The following ZNHIT6 variants were observed in gnomAD, a reference collection of about 807,000 sequenced individuals.
ZNHIT6 encodes zinc finger HIT-type containing 6.
ZNHIT6 carries 45 observed loss-of-function variants against 57.2 expected under a neutral mutation model. The ratio of observed to expected loss-of-function variants is 0.79; its 90% CI spans 0.62 to 1.01. ZNHIT6 has a LOEUF of 1.01. Among genes scored for constraint, ZNHIT6 ranks in the 50% least tolerant of loss-of-function variants. ZNHIT6 has a pLI of 0.00. For missense variants in ZNHIT6, 528 were observed against 567.3 expected (o/e 0.93, Z 0.70); for synonymous variants, 188 against 190.0 (o/e 0.99, Z 0.09).
Position 85,650,846 on chromosome 1 carries a change from T to G in ZNHIT6, c.*3212A>C, listed in dbSNP as rs1380599085. On this transcript the variant is annotated 3_prime_UTR_variant, in exon 10 of 10. Coordinates refer to ENST00000370574, the MANE Select transcript of ZNHIT6 (RefSeq NM_017953.4). Reference sequence around the variant, plus strand: ...AAGAATGAGAACTCACTCACCCCAGTAGGAGGGCATTAGTTTATTCATGTG... The same window carrying G: ...AAGAATGAGAACTCACTCACCCCAGGAGGAGGGCATTAGTTTATTCATGTG... The G allele has an allele frequency of 1.3e-5, 2 of 152,184 alleles. No individual in the cohort carries two copies. The highest frequency in any genetic ancestry group is 3.8e-4 in the East Asian group (2 of 5,198). 9.4% of individuals were successfully genotyped at this position (152,184 alleles called of 1,614,324 possible). A position where few individuals can be genotyped will look rare whatever the true frequency, so the allele number is the denominator to read the frequency against.
At chr1:85,679,459 A>C (rs943785292) in intron 6 of ZNHIT6, among the ~76,000 whole-genome samples, 4 of 152,054 alleles carry the variant, frequency 2.6e-5, no homozygotes, top group African/African-American at 9.7e-5. Context: ...CTACAAAGAG[A>C]GGATATTTAT....
rs757615456 is a variant in ZNHIT6, at chr1:85,657,859, C to T, written c.1360G>A (p.Val454Ile). 1 of 1,606,840 alleles carries T rather than the reference C, an allele frequency of 6.2e-7. No individual in the cohort carries two copies. Among genetic ancestry groups the T allele is most frequent in the East Asian group, 2.2e-5 (1 of 44,570 alleles). ...VLKGSNNDMK[V>I]LHQVKSESTK... ...AATTTACACTTACCTTGGTGAAGAA[C>T]TTTCATGTCATTATTGGATCCTTTC... The change falls in exon 9 of 10, where the codon GTT (valine) becomes ATT (isoleucine). Residue 454 changes from valine (V) to isoleucine (I), a missense_variant. Transcript: ENST00000370574.
At chr1:85,667,961 A>AAAAAAAAAAAATGTATATATATAT in intron 8 of ZNHIT6, among the ~76,000 whole-genome samples, 4 of 18,202 alleles carry the variant, frequency 2.2e-4, no homozygotes, top group Non-Finnish European at 4.0e-4. Flanking sequence ...AAAAAAAAAA[A>AAAAAAAAAAAATGTATATATATAT]ATATATATAT....
At chr1:85,668,308 G>A (rs539675338) in intron 8 of ZNHIT6, among the ~76,000 whole-genome samples, 21 of 152,016 alleles carry the variant, frequency 1.4e-4, no homozygotes, top group Non-Finnish European at 2.2e-4. Context: ...AGGCATGGTT[G>A]TTCACTATTG....
At chr1:85,702,295 T>C (rs1439837841) in intron 4 of ZNHIT6, 35 bp from the exon 5 acceptor site, 2 of 1,239,308 alleles carry the variant, frequency 1.6e-6, no homozygotes, top group Non-Finnish European at 2.3e-6. Flanking sequence ...AATTAATTTT[T>C]AAATTCCTTA....
At chr1:85,699,545 A>C (rs925596224) in intron 5 of ZNHIT6, among the ~76,000 whole-genome samples, 2 of 152,154 alleles carry the variant, frequency 1.3e-5, no homozygotes, top group Non-Finnish European at 2.9e-5. Flanking sequence ...AAAGCTGCCC[A>C]CAAAAAAATT....
intron 8 of ZNHIT6, among the ~76,000 whole-genome samples, chr1:85,658,826 G>A (rs750975602): frequency 1.3e-4 from 19 of 151,910 alleles, no homozygotes; most frequent in Admixed American, 3.9e-4. Context: ...AGCCAAGATC[G>A]TGCCACTGCA....
At chr1:85,697,034 GTATT>G (rs1483266254) in intron 5 of ZNHIT6, among the ~76,000 whole-genome samples, 1 of 60,992 alleles carries the variant, frequency 1.6e-5, no homozygotes, top group Non-Finnish European at 5.0e-5. Context: ...CTAATTTTTC[GTATT>G]TTTTTTTTTT....
intron 5 of ZNHIT6, among the ~76,000 whole-genome samples, chr1:85,681,561 A>G (rs1484177355): frequency 6.6e-6 from 1 of 152,250 alleles, no homozygotes; most frequent in Non-Finnish European, 1.5e-5. Flanking sequence ...AAATGTCTTC[A>G]CTACATGATG....
At chr1:85,693,861 G>A (rs970471386) in intron 5 of ZNHIT6, among the ~76,000 whole-genome samples, 1 of 152,220 alleles carries the variant, frequency 6.6e-6, no homozygotes, top group African/African-American at 2.4e-5. Context: ...GCTGATGCCT[G>A]TAATCCCAGT....
intron 8 of ZNHIT6, 133 bp downstream of exon 8, chr1:85,677,103 G>T: frequency 1.7e-6 from 1 of 595,494 alleles, no homozygotes; most frequent in South Asian, 3.9e-5. Flanking sequence ...TTTTGAATTT[G>T]ACTTGAAAGT....
chr1:85,660,070 A>G (rs10493773), intron 8 of ZNHIT6, among the ~76,000 whole-genome samples: 35,457 of 152,132 alleles, frequency 0.23, 4,720 homozygotes, highest in Admixed American at 0.29. Context: ...AATGCTTCAC[A>G]TCTTTTAAAC....
In ZNHIT6 at chr1:85,674,941, A is replaced by AT. The variant is rs548922648; in HGVS notation, c.1247+2294dup. Among the ~76,000 whole-genome samples, 434 of 152,314 alleles carry AT rather than the reference A, an allele frequency of 2.8e-3. 2 individuals are homozygous for AT. The highest frequency in any genetic ancestry group is 9.8e-3 in the African/African-American group (407 of 41,564). ...TACTGAGTATTTTAAAATTTATAGT[A>AT]TAGGACACACTGCTTGGGCCCAGAG... On this transcript the variant is annotated intron_variant, in intron 8 of 9. Transcript: ENST00000370574.
chr1:85,682,911 G>A (rs1167242432), intron 5 of ZNHIT6, among the ~76,000 whole-genome samples: 1 of 152,018 alleles, frequency 6.6e-6, no homozygotes. Context: ...AAGTTGAAGG[G>A]TGTTGTATAA....
At chr1:85,655,750 T>G (rs1454143122) in intron 9 of ZNHIT6, among the ~76,000 whole-genome samples, 4 of 152,204 alleles carry the variant, frequency 2.6e-5, no homozygotes, top group Non-Finnish European at 5.9e-5. Flanking sequence ...TAATCAGCAC[T>G]TAGCATCTCC....
chr1:85,706,907 A>G (rs1662700034), intron 1 of ZNHIT6, among the ~76,000 whole-genome samples: 1 of 152,240 alleles, frequency 6.6e-6, no homozygotes, highest in South Asian at 2.1e-4. Context: ...GACAAAGAAT[A>G]TAAGGCCAAG....
chr1:85,685,907 G>A (rs181309095), intron 5 of ZNHIT6, among the ~76,000 whole-genome samples: 143 of 151,576 alleles, frequency 9.4e-4, no homozygotes, highest in African/African-American at 3.2e-3. Context: ...ATTCATGGGC[G>A]CATACAGGAT....
intron 5 of ZNHIT6, among the ~76,000 whole-genome samples, chr1:85,695,786 C>G (rs996462968): frequency 6.6e-6 from 1 of 152,178 alleles, no homozygotes; most frequent in African/African-American, 2.4e-5. Context: ...CCTTTAATCC[C>G]AACACTTTGG....
chr1:85,659,827 C>T (rs1015044022), intron 8 of ZNHIT6, among the ~76,000 whole-genome samples: 2 of 152,116 alleles, frequency 1.3e-5, no homozygotes, highest in Non-Finnish European at 2.9e-5. Context: ...AACTGTAAAA[C>T]CAAAACTTTA....
Sources: allele counts gnomAD v4.1 joint callset (sites outside exome capture counted in the v4.1 genomes callset), GRCh38; gene constraint gnomAD v4.1.1; transcripts MANE v1.5; gene names NCBI Gene and HGNC (gene_info 2026-07-23, HGNC 2026-07-21).